Variants in RASA3 observed in about 807,000 individuals in gnomAD.
RASA3 encodes the protein ras GTPase-activating protein 3.
A neutral mutation model predicts 110.0 loss-of-function variants in RASA3; 73 were observed. The observed-to-expected ratio is 0.66, with a 90% confidence interval of 0.55 to 0.81. The LOEUF is 0.81. Among genes scored for constraint, RASA3 ranks in the 30% least tolerant of loss-of-function variants. The pLI, the probability that RASA3 is intolerant of heterozygous loss-of-function variation, is 0.00. For synonymous variants in RASA3, 500 were observed against 451.4 expected (o/e 1.11, Z -1.37); for missense variants, 976 against 1,113.2 (o/e 0.88, Z 1.75).
intron 9 of RASA3, 48 bp downstream of exon 9, chr13:114,021,356 T>C: frequency 1.3e-6 from 2 of 1,556,792 alleles, no homozygotes; most frequent in East Asian, 2.2e-5. Flanking sequence ...GCACGTGTTT[T>C]TGTGGCTCTC....
At chr13:114,062,478 C>G (rs1308278553) in intron 2 of RASA3, among the ~76,000 whole-genome samples, 1 of 152,168 alleles carries the variant, frequency 6.6e-6, no homozygotes, top group Non-Finnish European at 1.5e-5. Context: ...GCGGTTCCTC[C>G]GACGTTCAAC....
chr13:114,121,460 G>A (rs1033250490), intron 1 of RASA3, among the ~76,000 whole-genome samples: 4 of 152,130 alleles, frequency 2.6e-5, no homozygotes, highest in Non-Finnish European at 4.4e-5. Flanking sequence ...GAAGCCCACC[G>A]GAGCCTCCCT....
intron 1 of RASA3, among the ~76,000 whole-genome samples, chr13:114,117,606 C>T (rs1421675023): frequency 1.6e-5 from 2 of 123,236 alleles, no homozygotes; most frequent in Non-Finnish European, 3.3e-5. Context: ...TGGGTGAGCA[C>T]GTGTGTGAGG....
Position 114,073,675 on chromosome 13 carries a change from C to T in RASA3, c.173+45G>A, listed in dbSNP as rs751110912. 3 of 1,488,946 alleles carry T rather than the reference C, an allele frequency of 2.0e-6. No individual in the cohort carries two copies. In the Admixed American group the frequency reaches 5.0e-5, roughly 25 times the overall value. 92.2% of individuals were successfully genotyped at this position (1,488,946 alleles called of 1,614,324 possible). A position where few individuals can be genotyped will look rare whatever the true frequency, so the allele number is the denominator to read the frequency against. ...TACACCCTTGGGACATTCTCTACACCAAAGAAAACACATCAGTGCCAAGTA... is the reference window on the plus strand; with the variant it reads ...TACACCCTTGGGACATTCTCTACACTAAAGAAAACACATCAGTGCCAAGTA... On this transcript the variant is annotated intron_variant, in intron 2 of 23. Coordinates refer to ENST00000334062, the MANE Select transcript of RASA3 (RefSeq NM_007368.4).
intron 3 of RASA3, among the ~76,000 whole-genome samples, chr13:114,043,714 G>T (rs956068040): frequency 6.6e-6 from 1 of 152,048 alleles, no homozygotes; most frequent in South Asian, 2.1e-4. Flanking sequence ...AGGAACACCA[G>T]GGAGGCTCAG....
At chr13:114,005,265 G>T (rs961837285) in intron 18 of RASA3, among the ~76,000 whole-genome samples, 1 of 152,186 alleles carries the variant, frequency 6.6e-6, no homozygotes, top group African/African-American at 2.4e-5. Context: ...AAAAATACAG[G>T]AACATGGTCC....
intron 1 of RASA3, among the ~76,000 whole-genome samples, chr13:114,125,578 C>G (rs1258885566): frequency 6.6e-6 from 1 of 152,180 alleles, no homozygotes; most frequent in Non-Finnish European, 1.5e-5. Flanking sequence ...GCCCCACTTC[C>G]AACGACGGGG....
At chr13:114,019,940 A>G (rs1188048401) in intron 9 of RASA3, among the ~76,000 whole-genome samples, 3 of 39,960 alleles carry the variant, frequency 7.5e-5, no homozygotes, top group African/African-American at 1.8e-4. Context: ...TGTCCGAGGC[A>G]TTAGCCCCCG....
At chr13:114,018,298 C>A (rs1353186286) in intron 10 of RASA3, 46 bp from the exon 11 acceptor site, 9 of 1,528,100 alleles carry the variant, frequency 5.9e-6, no homozygotes, top group African/African-American at 4.1e-5. Context: ...GGTGCAGGAA[C>A]CCCAGAGGCC....
Position 114,114,989 on chromosome 13 carries a change from C to T in RASA3, c.55+17446G>A, listed in dbSNP as rs1296880489. On this transcript the variant is annotated intron_variant, in intron 1 of 23. Transcript: ENST00000334062. The surrounding 1 kb of genome is among the most constrained non-coding windows in gnomAD (Gnocchi z 4.8). ...ATGCTGCAGGTTCCCCAGCCCCACC[C>T]CCAGCTGTGAGATGCTGCAGGTTCC... 6.6e-6 allele frequency among the ~76,000 whole-genome samples: 1 copy of T among 150,782 alleles called. No homozygotes were observed.
intron 1 of RASA3, among the ~76,000 whole-genome samples, chr13:114,123,115 C>T (rs1260411599): frequency 6.6e-6 from 1 of 152,220 alleles, no homozygotes; most frequent in Non-Finnish European, 1.5e-5. Context: ...CAGCACTTTG[C>T]TCCTGGAGCC....
intron 4 of RASA3, among the ~76,000 whole-genome samples, chr13:114,033,010 C>T (rs564582904): frequency 9.3e-6 from 1 of 107,588 alleles, no homozygotes; most frequent in African/African-American, 3.7e-5. Context: ...TTCCACGGCA[C>T]CCCCACACTT....
chr13:114,010,859 G>A (rs979466519), intron 16 of RASA3, among the ~76,000 whole-genome samples: 1 of 151,862 alleles, frequency 6.6e-6, no homozygotes, highest in Non-Finnish European at 1.5e-5. Context: ...CCCAGGAGGC[G>A]CCAGGTTAGG....
chr13:114,074,057 A>C (rs779395373), intron 1 of RASA3, among the ~76,000 whole-genome samples: 30 of 152,242 alleles, frequency 2.0e-4, no homozygotes, highest in Admixed American at 4.6e-4. Context: ...TCCCGCAAGC[A>C]GGGACCTGCC....
intron 4 of RASA3, among the ~76,000 whole-genome samples, chr13:114,030,520 A>AAGACTCACACAGGAG (rs1566502043): frequency 1.0e-5 from 1 of 97,724 alleles, no homozygotes; most frequent in African/African-American, 4.1e-5. Flanking sequence ...TCACACAGAG[A>AAGACTCACACAGGAG]GCAAGACTCA....
chr13:114,127,799 G>A (rs540917055), intron 1 of RASA3, among the ~76,000 whole-genome samples: 6 of 152,312 alleles, frequency 3.9e-5, no homozygotes, highest in South Asian at 4.1e-4. Flanking sequence ...AGAAGAACTC[G>A]GATCCCAGGA....
At chr13:114,059,955 G>A (rs2079308781) in intron 2 of RASA3, among the ~76,000 whole-genome samples, 2 of 152,264 alleles carry the variant, frequency 1.3e-5, no homozygotes, top group African/African-American at 4.8e-5. Flanking sequence ...AGGCTGGCGG[G>A]GGCAGCACTG....
chr13:114,026,016 G>A (rs139561858), intron 7 of RASA3, among the ~76,000 whole-genome samples: 6 of 152,224 alleles, frequency 3.9e-5, no homozygotes, highest in African/African-American at 1.4e-4. Context: ...AGCGGTCAGC[G>A]AGGTCCGGGC....
At chr13:114,109,300 A>G (rs1472794415) in intron 1 of RASA3, among the ~76,000 whole-genome samples, 1 of 152,144 alleles carries the variant, frequency 6.6e-6, no homozygotes, top group Non-Finnish European at 1.5e-5. Context: ...TGTAAACAGC[A>G]GCTGCCTTTC....
Sources: gnomAD v4.1 joint callset for allele counts (sites outside exome capture counted in the v4.1 genomes callset) on GRCh38, gnomAD v4.1.1 for gene constraint, Gnocchi (gnomAD v3.1) non-coding constraint, MANE v1.5 for transcripts, NCBI Gene and HGNC (gene_info 2026-07-23, HGNC 2026-07-21) for gene names.